The following DNAH11 variants were observed in gnomAD, a reference collection of about 807,000 sequenced individuals.
The protein encoded by DNAH11 is dynein axonemal heavy chain 11, also known as axonemal beta dynein heavy chain 11.
In DNAH11, 442 loss-of-function variants were observed where a neutral mutation model predicts 526.0. That is an observed-to-expected ratio of 0.84 (90% CI 0.78 to 0.91). The LOEUF (loss-of-function observed/expected upper bound fraction) is 0.91. Among genes scored for constraint, DNAH11 ranks in the 40% least tolerant of loss-of-function variants. The pLI is 0.00. For missense variants in DNAH11, 6,989 were observed against 5,448.7 expected (o/e 1.28, Z -8.90); for synonymous variants, 2,461 against 1,935.9 (o/e 1.27, Z -7.12).
chr7:21,750,510 C>T (rs542278671), intron 54 of DNAH11, 146 bp downstream of exon 54: 8 of 1,098,054 alleles, frequency 7.3e-6, no homozygotes, highest in East Asian at 5.1e-5. Context: ...GTATCTGGAG[C>T]GTACCTTCCT....
rs554716538 is a variant in DNAH11 at position 21,825,594 on chromosome 7, T to C, written c.10691+7255T>C. On this transcript the variant is annotated intron_variant, in intron 65 of 81. Transcript: ENST00000409508. ...TTTAATACTATTAGCCACCTCTTCC[T>C]ATGACGAACTATTCCTGCCTCCTTT... 5.3e-5 allele frequency among the ~76,000 whole-genome samples: 8 copies of C among 151,952 alleles called. No homozygotes were observed. The South Asian group carries it at 1.7e-3, about 32-fold the overall frequency.
chr7:21,896,392 G>C (rs1053466438), intron 79 of DNAH11, among the ~76,000 whole-genome samples: 4 of 152,128 alleles, frequency 2.6e-5, no homozygotes, highest in African/African-American at 9.7e-5. Flanking sequence ...TTTTCCTTCA[G>C]CACTTTGATG....
At chr7:21,794,407 G>A (rs1239090072) in intron 61 of DNAH11, among the ~76,000 whole-genome samples, 2 of 152,214 alleles carry the variant, frequency 1.3e-5, no homozygotes, top group African/African-American at 4.8e-5. Flanking sequence ...TTGCTTAGAG[G>A]TTATTTGTAG....
At chr7:21,879,974 A>G (rs776729946) in intron 74 of DNAH11, among the ~76,000 whole-genome samples, 14 of 151,680 alleles carry the variant, frequency 9.2e-5, no homozygotes, top group Non-Finnish European at 1.5e-4. Context: ...AATCGCAGCT[A>G]CTCAGGAGGC....
At position 21,564,203 on chromosome 7, in the gene DNAH11, G is replaced by C. The variant is rs1444230878; in HGVS notation, c.1000G>C (p.Asp334His). The C allele has an allele frequency of 4.4e-6, 7 of 1,588,714 alleles. No individual in the cohort carries two copies. Among genetic ancestry groups the C allele is most frequent in the Admixed American group, 1.8e-5 (1 of 56,542 alleles). Residue 334 changes from aspartate to histidine, a missense_variant, in exon 6 of 82, where the codon GAT becomes CAT. By Grantham distance (81) the Asp-to-His change is moderately conservative (BLOSUM62 -1). Coordinates refer to ENST00000409508, the MANE Select transcript of DNAH11 (RefSeq NM_001277115.2). ...GCTTTCAGCTCTTCTCGAAGCCCAA[G>C]ATGTGGAACTTTACCTGAGACCTCT... Reference protein sequence around the residue: ...AVENALLEAQDVELYLRPLRR... With the variant: ...AVENALLEAQHVELYLRPLRR...
Position 21,570,232 on chromosome 7 carries a change from G to T in DNAH11, c.1358G>T (p.Trp453Leu), listed in dbSNP as rs749372718. ...TTTATGGGAAGAAAGCTGAGACCATGGGATTTCCAGTCTCATCTGGTGTTT... is the reference window on the plus strand; with the variant it reads ...TTTATGGGAAGAAAGCTGAGACCATTGGATTTCCAGTCTCATCTGGTGTTT... ...SYFMGRKLRP[W>L]DFQSHLVFCR... is the part of the protein sequence containing the mutation. Residue 453 changes from tryptophan (W) to leucine (L), a missense_variant, in exon 7 of 82, where the codon TGG becomes TTG. Coordinates refer to ENST00000409508, the MANE Select transcript of DNAH11 (RefSeq NM_001277115.2). The T allele has an allele frequency of 1.1e-5, 17 of 1,613,302 alleles. No individual in the cohort carries two copies. The South Asian group carries it at 1.5e-4, about 15-fold the overall frequency.
At chr7:21,719,308 C>A (rs1314258157) in intron 43 of DNAH11, among the ~76,000 whole-genome samples, 1 of 152,262 alleles carries the variant, frequency 6.6e-6, no homozygotes, top group East Asian at 1.9e-4. Context: ...AATTAATGCA[C>A]TCTGTTTTCC....
rs148707462 is a variant in DNAH11, at chr7:21,899,399, G to C, written c.13113G>C (p.Pro4371=). The change falls in exon 80 of 82, where the codon CCG becomes CCC. Residue 4371 remains proline (P), a synonymous_variant. Transcript: ENST00000409508. ...LDTWTQDLTL[P]AVVWLSGFFN... ...CTTGGACACAAGACCTTACCCTTCCGGCTGTCGTGTGGCTCTCCGGCTTCT... is the reference window on the plus strand; with the variant it reads ...CTTGGACACAAGACCTTACCCTTCCCGCTGTCGTGTGGCTCTCCGGCTTCT... 304 of 1,613,890 alleles carry C rather than the reference G, an allele frequency of 1.9e-4. No homozygotes were observed. The highest frequency in any genetic ancestry group is 3.3e-4 in the Middle Eastern group (2 of 6,062).
chr7:21,849,020 G>A (rs577154184), intron 66 of DNAH11, among the ~76,000 whole-genome samples: 2 of 152,210 alleles, frequency 1.3e-5, no homozygotes, highest in African/African-American at 4.8e-5. Context: ...CGAGTAGCTG[G>A]GATTACAGGC....
At chr7:21,616,086 T>C (rs990064126) in intron 21 of DNAH11, 123 bp from the exon 22 acceptor site, 6 of 726,360 alleles carry the variant, frequency 8.3e-6, no homozygotes, top group African/African-American at 7.1e-5. Context: ...GCAGTTAATA[T>C]TTTAAAAATT....
At position 21,601,567 on chromosome 7, in the gene DNAH11, C is replaced by T. The variant is rs1785090298; in HGVS notation, c.3597C>T (p.Leu1199=). 6.2e-7 allele frequency: 1 copy of T among 1,608,716 alleles called. No individual in the cohort carries two copies. The highest frequency in any genetic ancestry group is 8.5e-7 in the Non-Finnish European group (1 of 1,175,934). The change falls in exon 18 of 82, where the codon CTC becomes CTT. Residue 1199 remains leucine, a synonymous_variant. Coordinates refer to ENST00000409508, the MANE Select transcript of DNAH11 (RefSeq NM_001277115.2). ...AACCTCTAAAAGAAACGATCACCCT[C>T]TTGGAAAGCTATGGCCAGAAGATGC... ...LFEPLKETIT[L]LESYGQKMPE... is the part of the protein sequence containing the mutation.
intron 20 of DNAH11, among the ~76,000 whole-genome samples, chr7:21,611,652 T>C (rs995123651): frequency 6.6e-6 from 1 of 152,160 alleles, no homozygotes; most frequent in Non-Finnish European, 1.5e-5. Context: ...AAAAATATTT[T>C]CAAAGCAACC....
At chr7:21,897,581 A>G (rs1784567229) in intron 79 of DNAH11, among the ~76,000 whole-genome samples, 1 of 151,882 alleles carries the variant, frequency 6.6e-6, no homozygotes, top group South Asian at 2.1e-4. Flanking sequence ...GATTGTATAG[A>G]TTCAAAGGTA....
chr7:21,643,604 A>C (rs1787220305), intron 28 of DNAH11, among the ~76,000 whole-genome samples: 1 of 152,208 alleles, frequency 6.6e-6, no homozygotes, highest in African/African-American at 2.4e-5. Context: ...ATGAATTGCA[A>C]TTGATTTAAA....
Position 21,589,331 on chromosome 7 carries a change from A to G in DNAH11, c.2097A>G (p.Glu699=), listed in dbSNP as rs750822358. The change falls in exon 12 of 82, where the codon GAA becomes GAG. Residue 699 remains glutamate, a synonymous_variant. Coordinates refer to ENST00000409508, the MANE Select transcript of DNAH11 (RefSeq NM_001277115.2). The part of the protein sequence containing the change: ...EWKSNVDEIC[E]FNLNQPLVKF... Reference sequence around the variant, plus strand: ...AAAGTAATGTGGATGAAATCTGTGAATTCAATTTGAATCAACCCTTGGTTA... The same window carrying G: ...AAAGTAATGTGGATGAAATCTGTGAGTTCAATTTGAATCAACCCTTGGTTA... 2 of 1,610,438 alleles carry G rather than the reference A, an allele frequency of 1.2e-6. No individual in the cohort carries two copies. The highest frequency in any genetic ancestry group is 1.7e-6 in the Non-Finnish European group (2 of 1,178,550).
At chr7:21,851,534 T>C in intron 66 of DNAH11, 1 of 471,404 alleles carries the variant, frequency 2.1e-6, no homozygotes, top group Admixed American at 2.3e-5. Context: ...AAATGGTTAC[T>C]TTCCCTCTGA....
intron 8 of DNAH11, among the ~76,000 whole-genome samples, chr7:21,574,119 A>G (rs1017155520): frequency 1.3e-5 from 2 of 152,050 alleles, no homozygotes; most frequent in Non-Finnish European, 2.9e-5. Flanking sequence ...TTCTTAGGGG[A>G]CTGTTTGAAA....
At chr7:21,667,142 C>G (rs1402773317) in intron 30 of DNAH11, among the ~76,000 whole-genome samples, 1 of 152,044 alleles carries the variant, frequency 6.6e-6, no homozygotes, top group Non-Finnish European at 1.5e-5. Flanking sequence ...AGGATTAAAT[C>G]TAGAAGAAAT....
chr7:21,617,066 T>C (rs1223436288), intron 22 of DNAH11, among the ~76,000 whole-genome samples: 1 of 152,228 alleles, frequency 6.6e-6, no homozygotes. Context: ...TATTTCGTGC[T>C]AAGTTCTAGT....
Sources: gnomAD v4.1 joint callset for allele counts (sites outside exome capture counted in the v4.1 genomes callset) on GRCh38, gnomAD v4.1.1 for gene constraint, MANE v1.5 for transcripts, NCBI Gene and HGNC (gene_info 2026-07-23, HGNC 2026-07-21) for gene names.